The following SYN3 variants were observed in gnomAD, a reference collection of about 807,000 sequenced individuals.
SYN3 encodes synapsin III, also known as synapsin-3.
SYN3 carries 35 observed loss-of-function variants against 65.8 expected under a neutral mutation model. The observed-to-expected ratio is 0.53, with a 90% CI of 0.41 to 0.70. SYN3 has a LOEUF of 0.70. SYN3 is among the 30% of genes least tolerant of loss of function. The pLI is 0.00. For missense variants in SYN3, 680 were observed against 749.0 expected, an observed-to-expected ratio of 0.91 and a Z score of 1.08; for synonymous variants, 270 against 292.9, an observed-to-expected ratio of 0.92 and a Z score of 0.80.
chr22:32,786,081 T>C (rs893513532), intron 6 of SYN3, among the ~76,000 whole-genome samples: 1 of 152,164 alleles, frequency 6.6e-6, no homozygotes, highest in Non-Finnish European at 1.5e-5. Context: ...ACTTTCCACA[T>C]CCCAAGCAGT....
At chr22:32,601,867 A>G (rs2059288608) in intron 6 of SYN3, among the ~76,000 whole-genome samples, 1 of 152,056 alleles carries the variant, frequency 6.6e-6, no homozygotes, top group Non-Finnish European at 1.5e-5. Flanking sequence ...AAAGACAGTA[A>G]ATGCCACTGG....
At chr22:32,611,449 A>G (rs991945611) in intron 6 of SYN3, among the ~76,000 whole-genome samples, 3 of 151,888 alleles carry the variant, frequency 2.0e-5, no homozygotes, top group Admixed American at 1.3e-4. Flanking sequence ...ACGCACCACC[A>G]TGCCTGGCTA....
chr22:32,563,940 AT>A (rs2058622284), intron 7 of SYN3, among the ~76,000 whole-genome samples: 1 of 152,080 alleles, frequency 6.6e-6, no homozygotes, highest in South Asian at 2.1e-4. Flanking sequence ...AAGTGCTGGG[AT>A]TACAGGCATG....
chr22:32,916,798 A>G (rs1461860120), intron 4 of SYN3, among the ~76,000 whole-genome samples: 2 of 152,232 alleles, frequency 1.3e-5, no homozygotes, highest in Non-Finnish European at 2.9e-5. Context: ...GAAAGGTTTG[A>G]ATGTCAATAA....
rs2058260015 is a variant in SYN3 at position 32,541,777 on chromosome 22, C to T, written c.775-64G>A. On this transcript the variant is annotated intron_variant, in intron 7 of 13. Coordinates refer to ENST00000358763, the MANE Select transcript of SYN3 (RefSeq NM_003490.4). ...CGTGTTCACTGAGCCCACCCTATGC[C>T]AGGAACAAGTGCTCTGTCTATAGAC... The T allele has an allele frequency of 1.9e-6, 3 of 1,559,660 alleles. No individual in the cohort carries two copies. In the Admixed American group the frequency reaches 5.5e-5, roughly 29 times the overall value.
rs186447653 is a variant in SYN3 at position 32,582,539 on chromosome 22, A to G, written c.774+14135T>C. ...TAATTTTTATTTATTTATTTATTTA[A>G]TTTTTGTAGAGACGGGCTGGGGGTG... On this transcript the variant is annotated intron_variant, in intron 7 of 13. Transcript: ENST00000358763. Among the ~76,000 whole-genome samples, 41 of 149,758 alleles carry G rather than the reference A, an allele frequency of 2.7e-4. 1 individual carries two copies. The highest frequency in any genetic ancestry group is 5.5e-4 in the Non-Finnish European group (37 of 67,384).
chr22:32,988,938 C>T (rs1173928238), intron 2 of SYN3, among the ~76,000 whole-genome samples: 1 of 152,168 alleles, frequency 6.6e-6, no homozygotes, highest in African/African-American at 2.4e-5. Flanking sequence ...CACCTGCTGC[C>T]TGATTTTGGA....
At chr22:32,965,990 G>A (rs372841237) in intron 3 of SYN3, among the ~76,000 whole-genome samples, 9 of 152,284 alleles carry the variant, frequency 5.9e-5, no homozygotes, top group South Asian at 2.1e-4. Flanking sequence ...CACCGCGCCC[G>A]GCCAGATTCC....
chr22:32,768,109 C>T (rs1338600845), intron 6 of SYN3, among the ~76,000 whole-genome samples: 1 of 152,154 alleles, frequency 6.6e-6, no homozygotes, highest in Non-Finnish European at 1.5e-5. Context: ...TTGCACATAG[C>T]TCTGTTGGGT....
chr22:32,565,273 G>C (rs2058657327), intron 7 of SYN3, among the ~76,000 whole-genome samples: 2 of 152,204 alleles, frequency 1.3e-5, no homozygotes, highest in Admixed American at 6.5e-5. Context: ...CAATGATGCA[G>C]GTGAAACCAT....
intron 6 of SYN3, among the ~76,000 whole-genome samples, chr22:32,655,350 G>A (rs1468240137): frequency 1.3e-5 from 2 of 152,178 alleles, no homozygotes; most frequent in African/African-American, 2.4e-5. Context: ...GACCCAGTCT[G>A]AGGTATTTTG....
At chr22:32,585,958 G>C (rs115629826) in intron 7 of SYN3, among the ~76,000 whole-genome samples, 7 of 33,458 alleles carry the variant, frequency 2.1e-4, no homozygotes, top group East Asian at 1.0e-3. Context: ...ACATATATGT[G>C]TATATACGTA....
intron 6 of SYN3, among the ~76,000 whole-genome samples, chr22:32,605,534 A>T (rs977478285): frequency 6.6e-6 from 1 of 152,200 alleles, no homozygotes; most frequent in Non-Finnish European, 1.5e-5. Flanking sequence ...AAGCCTCTTG[A>T]TACTTCTTCT....
intron 6 of SYN3, among the ~76,000 whole-genome samples, chr22:32,830,949 G>A (rs2047555533): frequency 6.6e-6 from 1 of 152,202 alleles, no homozygotes; most frequent in Admixed American, 6.5e-5. Context: ...TTAAAAAAAT[G>A]TGTGTTTTTT....
intron 6 of SYN3, among the ~76,000 whole-genome samples, chr22:32,631,667 T>A (rs771825122): frequency 1.1e-4 from 17 of 152,226 alleles, no homozygotes; most frequent in Admixed American, 6.5e-5. Flanking sequence ...GAGAAACTAC[T>A]ATGTGCCAGG....
At chr22:32,789,305 G>T (rs2046267515) in intron 6 of SYN3, among the ~76,000 whole-genome samples, 1 of 152,176 alleles carries the variant, frequency 6.6e-6, no homozygotes, top group African/African-American at 2.4e-5. Context: ...TGAGTTTGTT[G>T]ATGTGACATC....
rs776246596 is a variant in SYN3 at position 32,740,804 on chromosome 22, C to A, written c.711+124111G>T. Among the ~76,000 whole-genome samples the A allele has an allele frequency of 3.6e-4, 55 of 152,226 alleles. 1 individual carries two copies. The highest frequency in any genetic ancestry group is 5.0e-4 in the Non-Finnish European group (34 of 68,024). On this transcript the variant is annotated intron_variant, in intron 6 of 13. Transcript: ENST00000358763. ...TGCCCAGGAGGTGGTGAGCTCTCTG[C>A]CACTGGAGGCATTCGAGAAGAGATG...
At chr22:32,770,884 G>GTTA (rs991268875) in intron 6 of SYN3, among the ~76,000 whole-genome samples, 1 of 55,690 alleles carries the variant, frequency 1.8e-5, no homozygotes, top group Non-Finnish European at 3.1e-5. Context: ...TATGTGTTCA[G>GTTA]TTATTATTAT....
intron 7 of SYN3, among the ~76,000 whole-genome samples, chr22:32,549,088 G>T (rs2058374189): frequency 6.6e-6 from 1 of 152,050 alleles, no homozygotes; most frequent in African/African-American, 2.4e-5. Flanking sequence ...CACCGGGATG[G>T]TGCATTGACT....
Sources: gnomAD v4.1 joint callset for allele counts (sites outside exome capture counted in the v4.1 genomes callset) on GRCh38, gnomAD v4.1.1 for gene constraint, MANE v1.5 for transcripts, NCBI Gene and HGNC (gene_info 2026-07-23, HGNC 2026-07-21) for gene names.